PEX13: variants seen among roughly 807,000 people sequenced by gnomAD.
PEX13 encodes peroxisomal biogenesis factor 13, also known as peroxisome biogenesis factor 13.
A neutral mutation model predicts 34.5 loss-of-function variants in PEX13; 28 were observed. The observed-to-expected ratio is 0.81, with a 90% confidence interval of 0.60 to 1.11. The LOEUF is 1.11. PEX13 is among the 50% of genes most tolerant of loss of function. PEX13 has a pLI of 0.00. For synonymous variants in PEX13, 177 were observed against 175.1 expected (o/e 1.01, Z -0.09); for missense variants, 550 against 491.0 (o/e 1.12, Z -1.13).
At chr2:61,041,081 C>T (rs1237501038) in intron 2 of PEX13, among the ~76,000 whole-genome samples, 1 of 151,950 alleles carries the variant, frequency 6.6e-6, no homozygotes, top group Non-Finnish European at 1.5e-5. Flanking sequence ...GAGGATGAGG[C>T]CTGCAGATCG....
chr2:61,047,500 T>A (rs559434285), intron 3 of PEX13, among the ~76,000 whole-genome samples: 1 of 152,202 alleles, frequency 6.6e-6, no homozygotes, highest in Non-Finnish European at 1.5e-5. Flanking sequence ...CTATTTTGGA[T>A]TTCAAACGAA....
intron 1 of PEX13, among the ~76,000 whole-genome samples, chr2:61,022,700 C>T (rs979116729): frequency 6.6e-6 from 1 of 152,080 alleles, no homozygotes; most frequent in African/African-American, 2.4e-5. Flanking sequence ...AAGACTCTGT[C>T]TATAAAAAAT....
Position 61,027,878 on chromosome 2 carries a change from A to AT in PEX13, c.93-3536dup, listed in dbSNP as rs1183469329. 4.6e-5 allele frequency among the ~76,000 whole-genome samples: 7 copies of AT among 152,228 alleles called. No individual in the cohort carries two copies. In the East Asian group the frequency reaches 1.2e-3, roughly 25 times the overall value. The stretch of plus-strand genomic sequence containing the variant: ...ACTGGCTCCTTTTAAGTTTTGTTCC[A>AT]TTTTTAAATATCAGATCCAATAAAA... On this transcript the variant is annotated intron_variant, in intron 1 of 3. Transcript: ENST00000295030.
chr2:61,019,520 A>G (rs1477088203), intron 1 of PEX13, among the ~76,000 whole-genome samples: 1 of 152,042 alleles, frequency 6.6e-6, no homozygotes, highest in Non-Finnish European at 1.5e-5. Flanking sequence ...GTTTTTCTGT[A>G]TGTTTTCTTT....
At chr2:61,020,224 T>C (rs1680232010) in intron 1 of PEX13, among the ~76,000 whole-genome samples, 2 of 152,176 alleles carry the variant, frequency 1.3e-5, no homozygotes, top group African/African-American at 2.4e-5. Context: ...AGACTCCATC[T>C]CAAACAACAA....
intron 2 of PEX13, among the ~76,000 whole-genome samples, chr2:61,041,499 A>G (rs1022190563): frequency 6.6e-6 from 1 of 152,188 alleles, no homozygotes; most frequent in African/African-American, 2.4e-5. Context: ...AAGGTTCTAC[A>G]ATAAGATCAA....
intron 1 of PEX13, chr2:61,018,322 A>C: frequency 6.5e-7 from 1 of 1,545,260 alleles, no homozygotes; most frequent in African/African-American, 1.4e-5. Flanking sequence ...CAGGAACTCA[A>C]GCCCCGTACA....
At chr2:61,028,307 A>G (rs1451498005) in intron 1 of PEX13, among the ~76,000 whole-genome samples, 1 of 152,196 alleles carries the variant, frequency 6.6e-6, no homozygotes, top group Admixed American at 6.5e-5. Flanking sequence ...ATGCAATCTT[A>G]ATTTAATAGG....
intron 2 of PEX13, among the ~76,000 whole-genome samples, chr2:61,041,881 C>T (rs576394878): frequency 1.0e-3 from 158 of 152,170 alleles, no homozygotes; most frequent in African/African-American, 2.3e-3. Flanking sequence ...TGTGATCTTA[C>T]GGAACCTGGC....
chr2:61,027,558 G>A (rs1680380433), intron 1 of PEX13, among the ~76,000 whole-genome samples: 1 of 152,108 alleles, frequency 6.6e-6, no homozygotes, highest in Non-Finnish European at 1.5e-5. Flanking sequence ...CTCATTCCCA[G>A]CCTCAAGCAT....
intron 2 of PEX13, among the ~76,000 whole-genome samples, chr2:61,041,157 T>TG (rs1680620517): frequency 6.6e-6 from 1 of 152,026 alleles, no homozygotes; most frequent in South Asian, 2.1e-4. Context: ...AGGGAAAACC[T>TG]GTCTCTACAA....
At position 61,048,430 on chromosome 2, in the gene PEX13, A is replaced by G. The variant is rs376553459; in HGVS notation, c.914-42A>G. On this transcript the variant is annotated intron_variant, in intron 3 of 3. Transcript: ENST00000295030. Reference sequence around the variant, plus strand: ...ACCATTACTATTCTGTTGGACCTCCAAAGTATATTGTAATTACAAGACTGT... The same window carrying G: ...ACCATTACTATTCTGTTGGACCTCCGAAGTATATTGTAATTACAAGACTGT... The G allele has an allele frequency of 4.9e-4, 761 of 1,552,994 alleles. 1 individual carries two copies. Among genetic ancestry groups the G allele is most frequent in the Non-Finnish European group, 6.6e-4 (739 of 1,127,910 alleles).
At chr2:61,043,609 A>G (rs1007534653) in intron 2 of PEX13, among the ~76,000 whole-genome samples, 4 of 152,214 alleles carry the variant, frequency 2.6e-5, no homozygotes, top group Non-Finnish European at 2.9e-5. Context: ...TTGAAAATAC[A>G]GTTTTTTTGT....
intron 1 of PEX13, among the ~76,000 whole-genome samples, chr2:61,026,467 C>G (rs1003394982): frequency 2.6e-5 from 4 of 151,566 alleles, no homozygotes; most frequent in Non-Finnish European, 5.9e-5. Flanking sequence ...TCTGCCTCAG[C>G]CACCCGAGGA....
At chr2:61,044,880 T>C (rs1402879979) in intron 2 of PEX13, among the ~76,000 whole-genome samples, 2 of 152,216 alleles carry the variant, frequency 1.3e-5, no homozygotes, top group Non-Finnish European at 2.9e-5. Flanking sequence ...TGGCAGCAGA[T>C]ACATTTTCCA....
At chr2:61,027,831 G>T (rs548675670) in intron 1 of PEX13, among the ~76,000 whole-genome samples, 1 of 152,186 alleles carries the variant, frequency 6.6e-6, no homozygotes, top group East Asian at 1.9e-4. Flanking sequence ...AAGCCTGAAT[G>T]CACTGCACTA....
chr2:61,040,030 C>A (rs1351619071), intron 2 of PEX13, among the ~76,000 whole-genome samples: 1 of 152,054 alleles, frequency 6.6e-6, no homozygotes, highest in Non-Finnish European at 1.5e-5. Context: ...CAAATCAAAA[C>A]CACAATGAGA....
Position 61,017,732 on chromosome 2 carries a change from G to T in PEX13, c.-28G>T. 6.5e-7 allele frequency: 1 copy of T among 1,540,378 alleles called. No individual in the cohort carries two copies. Among genetic ancestry groups the T allele is most frequent in the South Asian group, 1.2e-5 (1 of 83,666 alleles). ...CGCGGGCCTGGACAGTCAGGGGTAG[G>T]AGCGGGAGCCGAGAGGAGGCGGAGG... On this transcript the variant is annotated 5_prime_UTR_variant, in exon 1 of 4. Coordinates refer to ENST00000295030, the MANE Select transcript of PEX13 (RefSeq NM_002618.4).
chr2:61,027,354 A>T (rs534560210), intron 1 of PEX13, among the ~76,000 whole-genome samples: 1 of 147,672 alleles, frequency 6.8e-6, no homozygotes, highest in East Asian at 1.9e-4. Flanking sequence ...AAAAAAAAAC[A>T]AAACACACAC....
Sources: gnomAD v4.1 joint callset for allele counts (sites outside exome capture counted in the v4.1 genomes callset) on GRCh38, gnomAD v4.1.1 for gene constraint, MANE v1.5 for transcripts, NCBI Gene and HGNC (gene_info 2026-07-23, HGNC 2026-07-21) for gene names.